The following RBFOX1 variants were observed in gnomAD, a reference collection of about 807,000 sequenced individuals.
RBFOX1 encodes RNA binding protein fox-1 homolog 1.
RBFOX1 carries 8 observed loss-of-function variants against 57.7 expected under a neutral mutation model. The ratio of observed to expected loss-of-function variants is 0.14; its 90% confidence interval spans 0.08 to 0.25. The LOEUF is 0.25. Among genes scored for constraint, RBFOX1 ranks in the 10% least tolerant of loss-of-function variants. The pLI, the probability that RBFOX1 is intolerant of heterozygous loss-of-function variation, is 1.00. For missense variants in RBFOX1, 611 were observed against 548.5 expected (o/e 1.11, Z -1.14); for synonymous variants, 326 against 222.4 (o/e 1.47, Z -4.15).
intron 2 of RBFOX1, among the ~76,000 whole-genome samples, chr16:6,636,308 C>T (rs2098432972): frequency 6.6e-6 from 1 of 152,008 alleles, no homozygotes. Context: ...GTAGCTGGGA[C>T]TAGAGGCGCC....
At chr16:5,521,423 A>G (rs928183713) in intron 2 of RBFOX1, among the ~76,000 whole-genome samples, 3 of 152,084 alleles carry the variant, frequency 2.0e-5, no homozygotes, top group Non-Finnish European at 2.9e-5. Flanking sequence ...TGATTTTAGG[A>G]TCCCAAATCA....
At chr16:5,445,979 A>C (rs984957444) in intron 1 of RBFOX1, among the ~76,000 whole-genome samples, 13 of 152,226 alleles carry the variant, frequency 8.5e-5, no homozygotes, top group South Asian at 2.1e-4. Flanking sequence ...TTATTGCTCT[A>C]ACAAGTAAAA....
chr16:7,128,618 G>C (rs2069275812), intron 4 of RBFOX1, among the ~76,000 whole-genome samples: 1 of 152,076 alleles, frequency 6.6e-6, no homozygotes, highest in African/African-American at 2.4e-5. Context: ...CTCATGCTAG[G>C]AACTGACACA....
chr16:5,629,050 C>G (rs2048425989), intron 3 of RBFOX1, among the ~76,000 whole-genome samples: 1 of 152,002 alleles, frequency 6.6e-6, no homozygotes, highest in South Asian at 2.1e-4. Flanking sequence ...GTAGGGCAAA[C>G]AAATGCACCA....
intron 2 of RBFOX1, among the ~76,000 whole-genome samples, chr16:5,536,682 A>G (rs2044710893): frequency 6.6e-6 from 1 of 152,092 alleles, no homozygotes; most frequent in Admixed American, 6.5e-5. Flanking sequence ...TAACATTAGG[A>G]GTTTATATAG....
intron 3 of RBFOX1, among the ~76,000 whole-genome samples, chr16:6,731,496 G>A (rs2068576052): frequency 6.6e-6 from 1 of 152,122 alleles, no homozygotes; most frequent in African/African-American, 2.4e-5. Flanking sequence ...GCGAGTATCT[G>A]TGTCTCAGTT....
At chr16:6,822,114 A>T (rs1212937801) in intron 3 of RBFOX1, among the ~76,000 whole-genome samples, 1 of 152,122 alleles carries the variant, frequency 6.6e-6, no homozygotes, top group East Asian at 1.9e-4. Flanking sequence ...ACTGGGGGAG[A>T]CAGACTGAGA....
At chr16:5,559,382 G>C (rs900414371) in intron 2 of RBFOX1, among the ~76,000 whole-genome samples, 1 of 152,116 alleles carries the variant, frequency 6.6e-6, no homozygotes, top group African/African-American at 2.4e-5. Context: ...GTGTGGCTGT[G>C]ATCCTCAGAT....
In RBFOX1 at chr16:5,424,978, CTTTTCTTTTCT is replaced by C. The variant is rs1241640722; in HGVS notation, c.220-42234_220-42224del. Among the ~76,000 whole-genome samples, 29 of 36,712 alleles carry C rather than the reference CTTTTCTTTTCT, an allele frequency of 7.9e-4. 3 individuals carry two copies. Among genetic ancestry groups the C allele is most frequent in the Admixed American group, 2.8e-3 (8 of 2,886 alleles). The allele number at this position is 36,712 out of a possible 152,430, so 24.1% of individuals were successfully genotyped here. A position where few individuals can be genotyped will look rare whatever the true frequency, so the allele number is the denominator to read the frequency against. On this transcript the variant is annotated intron_variant, in intron 1 of 2. Coordinates refer to the RBFOX1 transcript ENST00000585867. ...TTTGTTTCTTTCTCTTTCTTTCTTT[CTTTTCTTTTCT>C]TTTCTTTTCTTTTCTTTTCTTTTCT...
intron 4 of RBFOX1, chr16:7,510,232 C>G: frequency 1.0e-6 from 1 of 985,888 alleles, no homozygotes; most frequent in East Asian, 1.1e-4. Flanking sequence ...TTGAGGCGTG[C>G]TTGGGGCAGA....
chr16:6,095,074 A>G (rs1362988984), intron 1 of RBFOX1, among the ~76,000 whole-genome samples: 1 of 152,210 alleles, frequency 6.6e-6, no homozygotes, highest in Non-Finnish European at 1.5e-5. Context: ...AAAACAAAAC[A>G]AATAAAATGA....
At chr16:5,557,707 AAC>A (rs1159518881) in intron 2 of RBFOX1, among the ~76,000 whole-genome samples, 2 of 152,170 alleles carry the variant, frequency 1.3e-5, no homozygotes, top group African/African-American at 4.8e-5. Flanking sequence ...GGGAACAGGG[AAC>A]TACTTGGTAG....
At chr16:7,621,948 T>C (rs2059380896) in intron 10 of RBFOX1, among the ~76,000 whole-genome samples, 1 of 152,230 alleles carries the variant, frequency 6.6e-6, no homozygotes, top group Non-Finnish European at 1.5e-5. Flanking sequence ...TGTCTTCCAA[T>C]GAAACTTTAC....
chr16:7,207,577 A>G (rs1016728277), intron 4 of RBFOX1, among the ~76,000 whole-genome samples: 1 of 152,226 alleles, frequency 6.6e-6, no homozygotes, highest in Non-Finnish European at 1.5e-5. Flanking sequence ...TCTTGCCACA[A>G]AAAATAATGA....
chr16:6,626,426 C>A (rs1247985899), intron 2 of RBFOX1, among the ~76,000 whole-genome samples: 1 of 152,068 alleles, frequency 6.6e-6, no homozygotes, highest in African/African-American at 2.4e-5. Context: ...GGATTCTCAA[C>A]CAAGGCAAAA....
intron 2 of RBFOX1, among the ~76,000 whole-genome samples, chr16:6,543,572 T>TA (rs2096854186): frequency 6.6e-6 from 1 of 152,184 alleles, no homozygotes; most frequent in Non-Finnish European, 1.5e-5. Flanking sequence ...AGAAGGCCTT[T>TA]ACTGCTGCTT....
chr16:7,149,300 C>G (rs1367565199), intron 4 of RBFOX1, among the ~76,000 whole-genome samples: 1 of 151,998 alleles, frequency 6.6e-6, no homozygotes, highest in East Asian at 1.9e-4. Flanking sequence ...TGGCAGTAGT[C>G]ATACCACTCA....
At chr16:7,161,560 C>T (rs1193870791) in intron 4 of RBFOX1, among the ~76,000 whole-genome samples, 1 of 152,086 alleles carries the variant, frequency 6.6e-6, no homozygotes, top group Non-Finnish European at 1.5e-5. Context: ...TCAGTGAAGT[C>T]CTTTGCTAAG....
At chr16:5,273,282 A>T (rs1002558614) in intron 1 of RBFOX1, among the ~76,000 whole-genome samples, 2 of 151,852 alleles carry the variant, frequency 1.3e-5, no homozygotes, top group African/African-American at 4.8e-5. Context: ...GTTTCTGCTA[A>T]TAGCTTCAAC....
Sources: gnomAD v4.1 joint callset for allele counts (sites outside exome capture counted in the v4.1 genomes callset) on GRCh38, gnomAD v4.1.1 for gene constraint, MANE v1.5 for transcripts, NCBI Gene and HGNC (gene_info 2026-07-23, HGNC 2026-07-21) for gene names.